Variants in ZC3H13 observed in about 807,000 individuals in gnomAD.
ZC3H13 encodes the protein zinc finger CCCH domain-containing protein 13.
A neutral mutation model predicts 204.1 loss-of-function variants in ZC3H13; 64 were observed. The observed-to-expected ratio is 0.31, with a 90% CI of 0.26 to 0.39. The LOEUF is 0.39. ZC3H13 is among the 10% of genes least tolerant of loss of function. The pLI is 1.00. For missense variants in ZC3H13, 1,833 were observed against 2,082.7 expected, an observed-to-expected ratio of 0.88 and a Z score of 2.33; for synonymous variants, 667 against 693.7, an observed-to-expected ratio of 0.96 and a Z score of 0.60.
At chr13:45,957,732 T>C (rs564321866) in intron 18 of ZC3H13, among the ~76,000 whole-genome samples, 1 of 152,338 alleles carries the variant, frequency 6.6e-6, no homozygotes, top group South Asian at 2.1e-4. Context: ...TGAAGGTAAG[T>C]GCCATGAGTT....
intron 4 of ZC3H13, among the ~76,000 whole-genome samples, chr13:46,033,821 A>G (rs1430048310): frequency 1.3e-5 from 2 of 152,158 alleles, no homozygotes; most frequent in African/African-American, 4.8e-5. Context: ...AACATGATAT[A>G]ACTGGACTTC....
intron 10 of ZC3H13, among the ~76,000 whole-genome samples, chr13:45,984,550 G>T (rs1166982526): frequency 4.6e-5 from 7 of 152,072 alleles, no homozygotes; most frequent in African/African-American, 1.7e-4. Context: ...TTCTAAAATT[G>T]ATATGAAAAA....
chr13:46,046,219 T>C (rs1381964552), intron 1 of ZC3H13, among the ~76,000 whole-genome samples: 1 of 152,182 alleles, frequency 6.6e-6, no homozygotes, highest in Non-Finnish European at 1.5e-5. Flanking sequence ...CTATAATCTA[T>C]ACTACACTGA....
rs752398186 is a variant in ZC3H13, at chr13:46,003,235, T to C, written c.848A>G (p.Lys283Arg). The C allele has an allele frequency of 6.2e-7, 1 of 1,613,372 alleles. No individual in the cohort carries two copies. The highest frequency in any genetic ancestry group is 1.3e-5 in the African/African-American group (1 of 74,978). ...DIALGKKYKE[K>R]YKVKDRIEEK... is the part of the protein sequence containing the mutation. ...TTCTATCCTGTCTTTTACTTTATAT[T>C]TTTCTTTGTATTTTTTCCCCAGAGC... is the stretch of plus-strand genomic sequence containing the variant. The change falls in exon 8 of 19, where the codon AAA becomes AGA. Residue 283 changes from lysine to arginine, a missense_variant. Lys to Arg is a conservative substitution (Grantham distance 26, BLOSUM62 2). Transcript: ENST00000679008.
rs1180171667 is a variant in ZC3H13 at position 45,967,824 on chromosome 13, T to C, written c.4001A>G (p.Asn1334Ser). The C allele has an allele frequency of 1.2e-6, 2 of 1,613,722 alleles. No individual in the cohort carries two copies. The highest frequency in any genetic ancestry group is 8.5e-7 in the Non-Finnish European group (1 of 1,179,910). Reference sequence around the variant, plus strand: ...TTCTCGCAATCTATCTCGATCCCTGTTGCGTGGCCAATCTTTATCAGCATC... The same window carrying C: ...TTCTCGCAATCTATCTCGATCCCTGCTGCGTGGCCAATCTTTATCAGCATC... The part of the protein sequence containing the change: ...DRDADKDWPR[N>S]RDRDRLRERE... Residue 1334 changes from asparagine (N) to serine (S), a missense_variant, in exon 15 of 19, where the codon AAC becomes AGC. Physicochemically the swap from Asn to Ser is conservative, Grantham distance 46. Around this residue, in one of 5 missense-constraint regions of ZC3H13, gnomAD observed 1,574 missense variants for 1,757.2 expected, o/e 0.90. Coordinates refer to ENST00000679008, the MANE Select transcript of ZC3H13 (RefSeq NM_001330564.2).
intron 7 of ZC3H13, among the ~76,000 whole-genome samples, chr13:46,008,349 C>T (rs1352334619): frequency 1.3e-5 from 2 of 150,772 alleles, no homozygotes; most frequent in East Asian, 3.9e-4. Flanking sequence ...AAATGCTATA[C>T]TCAATTAAAT....
chr13:45,957,091 A>G lies in ZC3H13; in HGVS notation c.*36T>C. The G allele has an allele frequency of 7.1e-7, 1 of 1,403,934 alleles. No individual in the cohort carries two copies. The highest frequency in any genetic ancestry group is 2.7e-5 in the East Asian group (1 of 36,560). 87.0% of individuals were successfully genotyped at this position (1,403,934 alleles called of 1,614,324 possible). ...GCAAAAGAATATGCACTGCTGAAGG[A>G]AGACAGTACCAAAAATACCATATTG... On this transcript the variant is annotated 3_prime_UTR_variant, in exon 19 of 19. Coordinates refer to ENST00000679008, the MANE Select transcript of ZC3H13 (RefSeq NM_001330564.2).
intron 9 of ZC3H13, among the ~76,000 whole-genome samples, chr13:45,986,114 T>C (rs1954168435): frequency 1.3e-5 from 2 of 152,348 alleles, no homozygotes; most frequent in Admixed American, 1.3e-4. Flanking sequence ...TTTAATCTTT[T>C]CTATCAACTA....
At chr13:46,005,505 T>A (rs903396116) in intron 7 of ZC3H13, among the ~76,000 whole-genome samples, 4 of 152,208 alleles carry the variant, frequency 2.6e-5, no homozygotes, top group Non-Finnish European at 5.9e-5. Context: ...CTTCTTTTTT[T>A]TGGAGACAGT....
chr13:46,046,009 C>T (rs2043927508), intron 1 of ZC3H13, among the ~76,000 whole-genome samples: 1 of 152,120 alleles, frequency 6.6e-6, no homozygotes, highest in Non-Finnish European at 1.5e-5. Flanking sequence ...TAAGGGACAA[C>T]AGCAGTTATG....
In ZC3H13 at chr13:46,010,498, G is replaced by A; in HGVS notation, c.596C>T (p.Pro199Leu). Residue 199 changes from proline to leucine, a missense_variant, in exon 7 of 19, where the codon CCA (proline) becomes CTA (leucine). Physicochemically the swap from Pro to Leu is moderately conservative, Grantham distance 98. Transcript: ENST00000679008. ...GGACAATTTTGATCTAACCACTTCT[G>A]GTGAAACCTTTAAAAAAATTCAGTA... ...EEIIIKKEVS[P>L]EVVRSKLSPS... 1 of 1,607,702 alleles carries A rather than the reference G, an allele frequency of 6.2e-7. No homozygotes were observed. The highest frequency in any genetic ancestry group is 1.1e-5 in the South Asian group (1 of 90,832).
chr13:45,961,549 T>G (rs957973525), intron 17 of ZC3H13, among the ~76,000 whole-genome samples: 14 of 12,832 alleles, frequency 1.1e-3, no homozygotes, highest in East Asian at 8.3e-3. Flanking sequence ...GTAGTGGGGG[T>G]GGGGAGATGT....
At position 46,010,419 on chromosome 13, in the gene ZC3H13, C is replaced by T. The variant is rs375911121; in HGVS notation, c.675G>A (p.Pro225=). 4 of 1,613,690 alleles carry T rather than the reference C, an allele frequency of 2.5e-6. No individual in the cohort carries two copies. The highest frequency in any genetic ancestry group is 3.4e-6 in the Non-Finnish European group (4 of 1,179,808). ...CTTTCTTGCTAGCTGAAGACGACTT[C>T]GGGCTTGATTTTCGCTTCGGAGATT... ...SSKSPKRKSS[P]KSSSASKKDR... The change falls in exon 7 of 19, where the codon CCG becomes CCA. Residue 225 remains proline, a synonymous_variant. Transcript: ENST00000679008.
At chr13:45,990,809 G>T (rs1437105068) in intron 8 of ZC3H13, among the ~76,000 whole-genome samples, 3 of 151,836 alleles carry the variant, frequency 2.0e-5, no homozygotes, top group Non-Finnish European at 4.4e-5. Flanking sequence ...GTAAATTTTT[G>T]GGGGGATGGG....
Position 45,962,260 on chromosome 13 carries a change from A to C in ZC3H13, c.4675+1582T>G, listed in dbSNP as rs1281865305. ...CCACCATAGCAGCAAAAATAGAAGA[A>C]GTCTGATTGTTAAGCCACATCACCC... On this transcript the variant is annotated intron_variant, in intron 17 of 18. Transcript: ENST00000679008. The C allele has an allele frequency of 6.1e-6, 6 of 985,370 alleles. No homozygotes were observed. In the African/African-American group the frequency reaches 1.0e-4, roughly 17 times the overall value. The allele number at this position is 985,370 out of a possible 1,614,324, so 61.0% of individuals were successfully genotyped here.
chr13:46,022,023 G>T (rs1343703556), intron 4 of ZC3H13, among the ~76,000 whole-genome samples: 1 of 151,862 alleles, frequency 6.6e-6, no homozygotes, highest in Non-Finnish European at 1.5e-5. Context: ...GTTAAAAAGG[G>T]TGTCAGAGCA....
intron 7 of ZC3H13, among the ~76,000 whole-genome samples, chr13:46,006,725 T>TATATATATATATGA: frequency 7.2e-6 from 1 of 138,160 alleles, no homozygotes; most frequent in South Asian, 2.2e-4. Context: ...TATATATATA[T>TATATATATATATGA]GAGATAGTAT....
chr13:46,009,190 A>G (rs929978689), intron 7 of ZC3H13, among the ~76,000 whole-genome samples: 1 of 152,138 alleles, frequency 6.6e-6, no homozygotes, highest in Non-Finnish European at 1.5e-5. Flanking sequence ...ATTGAGATAG[A>G]AGGGGGTAGA....
intron 1 of ZC3H13, among the ~76,000 whole-genome samples, chr13:46,047,843 G>T (rs1383434312): frequency 2.0e-5 from 3 of 152,032 alleles, no homozygotes; most frequent in Non-Finnish European, 2.9e-5. Context: ...AAACAAAATT[G>T]AATAGGTTCC....
Sources: allele counts gnomAD v4.1 joint callset (sites outside exome capture counted in the v4.1 genomes callset), GRCh38; gene constraint gnomAD v4.1.1; regional missense constraint gnomAD v4.1.1; transcripts MANE v1.5; gene names NCBI Gene and HGNC (gene_info 2026-07-23, HGNC 2026-07-21).